Variants in TTC38 observed in about 807,000 individuals in gnomAD.
TTC38 encodes tetratricopeptide repeat protein 38.
In TTC38, 64 loss-of-function variants were observed where a neutral mutation model predicts 64.2. That is an observed-to-expected ratio of 1.00 (90% CI 0.81 to 1.23). The LOEUF is 1.23. Ranked by LOEUF, TTC38 falls within the 50% of genes most tolerant of loss-of-function variation. The pLI is 0.00. For missense variants in TTC38, 573 were observed against 615.5 expected (o/e 0.93, Z 0.73); for synonymous variants, 254 against 249.3 (o/e 1.02, Z -0.18).
chr22:46,291,141 T>C lies in TTC38; in HGVS notation c.1316+1242T>C, dbSNP rs2077612044. ...GCAGCACTGGAACCGCCTAGAACTG[T>C]AAAATGTCTTGGACGCATGCTCCCC... On this transcript the variant is annotated intron_variant, in intron 13 of 13. Transcript: ENST00000381031. This position sits in a 1 kb window ranked among gnomAD's most constrained non-coding sequence, Gnocchi z 4.6. 6.6e-6 allele frequency among the ~76,000 whole-genome samples: 1 copy of C among 152,190 alleles called. No homozygotes were observed. The highest frequency in any genetic ancestry group is 1.5e-5 in the Non-Finnish European group (1 of 68,016).
In TTC38 at chr22:46,272,849, C is replaced by T. The variant is rs939364668; in HGVS notation, c.193+433C>T. Among the ~76,000 whole-genome samples the T allele has an allele frequency of 9.9e-5, 15 of 152,118 alleles. No individual in the cohort carries two copies. Among genetic ancestry groups the T allele is most frequent in the African/African-American group, 3.6e-4 (15 of 41,420 alleles). ...GCCTCCGTCAGGGGACCAGTGAGGC[C>T]TCATCCAGAGTGGCCAGGGTGAGGT... On this transcript the variant is annotated intron_variant, in intron 3 of 13. Coordinates refer to ENST00000381031, the MANE Select transcript of TTC38 (RefSeq NM_017931.4). The surrounding 1 kb of genome is among the most constrained non-coding windows in gnomAD (Gnocchi z 6.4).
chr22:46,288,668 T>C (rs376885425), intron 11 of TTC38, 80 bp downstream of exon 11: 2 of 1,399,648 alleles, frequency 1.4e-6, no homozygotes, highest in Non-Finnish European at 1.9e-6. Flanking sequence ...TGCTGAGACC[T>C]GTTCAGTGCC....
In TTC38 at chr22:46,270,136, G is replaced by A. The variant is rs1442941606; in HGVS notation, c.111+1545G>A. Among the ~76,000 whole-genome samples the A allele has an allele frequency of 6.6e-6, 1 of 152,198 alleles. No homozygotes were observed. The highest frequency in any genetic ancestry group is 1.9e-4 in the East Asian group (1 of 5,194). Reference sequence around the variant, plus strand: ...CACACCACATCCCCAATCAGTGGCAGCTCATCCTCCCAGCCTGGGTATATT... The same window carrying A: ...CACACCACATCCCCAATCAGTGGCAACTCATCCTCCCAGCCTGGGTATATT... On this transcript the variant is annotated intron_variant, in intron 2 of 13. Coordinates refer to ENST00000381031, the MANE Select transcript of TTC38 (RefSeq NM_017931.4). The surrounding 1 kb of genome is among the most constrained non-coding windows in gnomAD (Gnocchi z 4.7).
chr22:46,283,284 A>T (rs2077548124), intron 7 of TTC38, among the ~76,000 whole-genome samples: 1 of 152,092 alleles, frequency 6.6e-6, no homozygotes, highest in African/African-American at 2.4e-5. Context: ...TTAGGCACCC[A>T]TGGGCCTCGC....
rs895188970 is a variant in TTC38 at position 46,293,967 on chromosome 22, G to A, written c.*1083G>A. ...AGTCCCCACAGTTTGCTCAAGCCCA[G>A]GCAAATTTCTGTGATTAAAATGAAT... On this transcript the variant is annotated 3_prime_UTR_variant, in exon 14 of 14. Transcript: ENST00000381031. The surrounding 1 kb of genome is among the most constrained non-coding windows in gnomAD (Gnocchi z 6.6). 4 of 152,258 alleles carry A rather than the reference G, an allele frequency of 2.6e-5. No homozygotes were observed. Among genetic ancestry groups the A allele is most frequent in the African/African-American group, 4.8e-5 (2 of 41,462 alleles). 9.4% of individuals were successfully genotyped at this position (152,258 alleles called of 1,614,324 possible). A position where few individuals can be genotyped will look rare whatever the true frequency, so the allele number is the denominator to read the frequency against.
At chr22:46,285,352 G>T in intron 9 of TTC38, 73 bp downstream of exon 9, 10 of 1,414,696 alleles carry the variant, frequency 7.1e-6, no homozygotes, top group Admixed American at 3.3e-5. Context: ...CCAGATTTTT[G>T]AGTTCATCAG....
At chr22:46,278,932 G>T (rs577645873) in intron 6 of TTC38, among the ~76,000 whole-genome samples, 14 of 152,366 alleles carry the variant, frequency 9.2e-5, no homozygotes, top group Admixed American at 9.1e-4. Context: ...GGTACGGGGA[G>T]CCTGTGGTCA....
At chr22:46,269,130 C>A in intron 2 of TTC38, 1 of 440,064 alleles carries the variant, frequency 2.3e-6, no homozygotes, top group Non-Finnish European at 4.7e-6. Context: ...TGCACTCTCC[C>A]TTCTTCCCCA....
Position 46,274,114 on chromosome 22 carries a change from C to A in TTC38, c.365+45C>A. ...TGGGAGCTGGCACCCTGAGGCTGAG[C>A]TGGGGGAGTGGCAGGGTATCCCTTT... On this transcript the variant is annotated intron_variant, in intron 4 of 13. Transcript: ENST00000381031. This position sits in a 1 kb window ranked among gnomAD's most constrained non-coding sequence, Gnocchi z 4.8. 8.7e-7 allele frequency: 1 copy of A among 1,144,608 alleles called. No individual in the cohort carries two copies. Among genetic ancestry groups the A allele is most frequent in the South Asian group, 1.3e-5 (1 of 76,766 alleles). The allele number at this position is 1,144,608 out of a possible 1,614,324, so 70.9% of individuals were successfully genotyped here. A position where few individuals can be genotyped will look rare whatever the true frequency, so the allele number is the denominator to read the frequency against.
At chr22:46,280,106 A>G (rs1206068864) in intron 6 of TTC38, 2 of 470,980 alleles carry the variant, frequency 4.2e-6, no homozygotes, top group Non-Finnish European at 8.8e-6. Flanking sequence ...CACCCCACAG[A>G]CAACTACTGG....
Position 46,271,942 on chromosome 22 carries a change from A to G in TTC38, c.112-393A>G, listed in dbSNP as rs553127043. ...AGCCAGGTTATGCCTTCTTTGGGTT[A>G]GAGTCCAGAAAATACTCAGTGTTCT... On this transcript the variant is annotated intron_variant, in intron 2 of 13. Transcript: ENST00000381031. The surrounding 1 kb of genome is among the most constrained non-coding windows in gnomAD (Gnocchi z 5.5). Among the ~76,000 whole-genome samples the G allele has an allele frequency of 6.6e-6, 1 of 152,236 alleles. No homozygotes were observed. The highest frequency in any genetic ancestry group is 1.5e-5 in the Non-Finnish European group (1 of 68,036).
Position 46,292,732 on chromosome 22 carries a change from C to A in TTC38, c.1317-59C>A, listed in dbSNP as rs952079236. The A allele has an allele frequency of 6.8e-7, 1 of 1,466,072 alleles. No homozygotes were observed. Among genetic ancestry groups the A allele is most frequent in the Non-Finnish European group, 9.5e-7 (1 of 1,047,912 alleles). 90.8% of individuals were successfully genotyped at this position (1,466,072 alleles called of 1,614,324 possible). Reference sequence around the variant, plus strand: ...GTTCTGCCTTGGGACCAAGGGACCACCAGGCCCCACATCCCTCTAGAAGGT... The same window carrying A: ...GTTCTGCCTTGGGACCAAGGGACCAACAGGCCCCACATCCCTCTAGAAGGT... On this transcript the variant is annotated intron_variant, in intron 13 of 13. Coordinates refer to ENST00000381031, the MANE Select transcript of TTC38 (RefSeq NM_017931.4). The surrounding 1 kb of genome is among the most constrained non-coding windows in gnomAD (Gnocchi z 6.5).
chr22:46,273,831 G>T lies in TTC38; in HGVS notation c.194-67G>T. On this transcript the variant is annotated intron_variant, in intron 3 of 13. Transcript: ENST00000381031. The surrounding 1 kb of genome is among the most constrained non-coding windows in gnomAD (Gnocchi z 5.1). ...ACGTGGGGTGTCTCTGTGACATGTG[G>T]AGTCTGGGCTGGGATGGGCTGAGCT... is the stretch of plus-strand genomic sequence containing the variant. 4 of 1,542,764 alleles carry T rather than the reference G, an allele frequency of 2.6e-6. No homozygotes were observed. The highest frequency in any genetic ancestry group is 1.4e-5 in the African/African-American group (1 of 73,500).
chr22:46,287,551 T>C (rs1272637359), intron 10 of TTC38, among the ~76,000 whole-genome samples: 1 of 152,242 alleles, frequency 6.6e-6, no homozygotes, highest in Non-Finnish European at 1.5e-5. Flanking sequence ...CCTGGGATTG[T>C]AGACAGGTTT....
intron 9 of TTC38, 76 bp downstream of exon 9, chr22:46,285,355 T>A: frequency 2.2e-6 from 3 of 1,368,484 alleles, no homozygotes; most frequent in Non-Finnish European, 3.1e-6. Flanking sequence ...GATTTTTGAG[T>A]TCATCAGGAT....
In TTC38 at chr22:46,275,929, C is replaced by G. The variant is rs918298797; in HGVS notation, c.539+508C>G. ...CATTGGCCAGAACTGATCACATGAC[C>G]TCACCCACCCACAAGAGACCAGGAA... is the stretch of plus-strand genomic sequence containing the variant. On this transcript the variant is annotated intron_variant, in intron 5 of 13. Transcript: ENST00000381031. The surrounding 1 kb of genome is among the most constrained non-coding windows in gnomAD (Gnocchi z 4.5). 3.3e-5 allele frequency among the ~76,000 whole-genome samples: 5 copies of G among 152,050 alleles called. No individual in the cohort carries two copies. Among genetic ancestry groups the G allele is most frequent in the African/African-American group, 1.2e-4 (5 of 41,436 alleles).
chr22:46,274,078 C>A lies in TTC38; in HGVS notation c.365+9C>A. 2 of 1,611,638 alleles carry A rather than the reference C, an allele frequency of 1.2e-6. No homozygotes were observed. The highest frequency in any genetic ancestry group is 1.7e-6 in the Non-Finnish European group (2 of 1,178,744). On this transcript the variant is annotated intron_variant, in intron 4 of 13. Coordinates refer to ENST00000381031, the MANE Select transcript of TTC38 (RefSeq NM_017931.4). This position sits in a 1 kb window ranked among gnomAD's most constrained non-coding sequence, Gnocchi z 4.8. Reference sequence around the variant, plus strand: ...GAGACATTTGCCAATGGGTGAGGGGCCTCCCTGGGCTGGGAGCTGGCACCC... The same window carrying A: ...GAGACATTTGCCAATGGGTGAGGGGACTCCCTGGGCTGGGAGCTGGCACCC...
chr22:46,289,811 C>T lies in TTC38; in HGVS notation c.1243-15C>T, dbSNP rs201330027. On this transcript the variant is annotated splice_polypyrimidine_tract_variant and intron_variant, in intron 12 of 13. Transcript: ENST00000381031. Reference sequence around the variant, plus strand: ...CTGAGGTACAGGAGACTCACATGCCCGATTGACATTTCAGAGAGACGTCTT... The same window carrying T: ...CTGAGGTACAGGAGACTCACATGCCTGATTGACATTTCAGAGAGACGTCTT... 4.3e-4 allele frequency: 701 copies of T among 1,613,894 alleles called. No homozygotes were observed. Among genetic ancestry groups the T allele is most frequent in the Admixed American group, 6.7e-4 (40 of 60,008 alleles).
intron 11 of TTC38, among the ~76,000 whole-genome samples, chr22:46,288,873 C>T (rs1262597294): frequency 6.6e-6 from 1 of 152,248 alleles, no homozygotes; most frequent in Non-Finnish European, 1.5e-5. Flanking sequence ...AGGGCTGCCT[C>T]CCGTGGAGAG....
Sources: allele counts gnomAD v4.1 joint callset (sites outside exome capture counted in the v4.1 genomes callset), GRCh38; gene constraint gnomAD v4.1.1; non-coding constraint Gnocchi (gnomAD v3.1); transcripts MANE v1.5; gene names NCBI Gene and HGNC (gene_info 2026-07-23, HGNC 2026-07-21).